LPA: variants seen among roughly 807,000 people sequenced by gnomAD.
LPA encodes apolipoprotein(a).
Under a neutral mutation model 197.9 loss-of-function variants are expected in LPA, and 199 were observed. The observed-to-expected ratio is 1.01, with a 90% CI of 0.90 to 1.13. LPA has a LOEUF of 1.13. LPA is among the 50% of genes most tolerant of loss of function. The pLI is 0.00. For missense variants in LPA, 1,853 were observed against 1,785.8 expected (o/e 1.04, Z -0.68); for synonymous variants, 715 against 639.5 (o/e 1.12, Z -1.78).
chr6:160,652,668 TA>T (rs1259334255), intron 1 of LPA, among the ~76,000 whole-genome samples: 2 of 152,122 alleles, frequency 1.3e-5, no homozygotes, highest in East Asian at 3.8e-4. Flanking sequence ...ATAATCACTT[TA>T]AAAAACAACT....
Position 160,578,561 on chromosome 6 carries a change from A to C in LPA, c.4433T>G (p.Val1478Gly). 6.2e-7 allele frequency: 1 copy of C among 1,613,886 alleles called. No homozygotes were observed. The highest frequency in any genetic ancestry group is 2.2e-5 in the East Asian group (1 of 44,872). Residue 1478 changes from valine to glycine, a missense_variant, in exon 27 of 39, where the codon GTG becomes GGG. Val to Gly is a moderately radical substitution (Grantham distance 109, BLOSUM62 -3). Coordinates refer to ENST00000316300, the MANE Select transcript of LPA (RefSeq NM_005577.4). ...AGCCTCTGTGCTTGGAACCGGGGCC[A>C]CTGTGGGAGTTGTGAGGACACTCGA... Reference protein sequence around the residue: ...TESSVLTTPTVAPVPSTEAPS... With the variant: ...TESSVLTTPTGAPVPSTEAPS...
At chr6:160,608,819 T>TG (rs1779417101) in intron 16 of LPA, among the ~76,000 whole-genome samples, 1 of 149,348 alleles carries the variant, frequency 6.7e-6, no homozygotes, top group East Asian at 2.0e-4. Context: ...TTCTTGAGGG[T>TG]TGTGTGTGTG....
chr6:160,585,240 C>A, intron 25 of LPA, 35 bp from the exon 26 acceptor site: 1 of 1,611,668 alleles, frequency 6.2e-7, no homozygotes, highest in Non-Finnish European at 8.5e-7. Flanking sequence ...CTCAGTATTG[C>A]CTAGAAAAGG....
intron 1 of LPA, among the ~76,000 whole-genome samples, chr6:160,654,695 T>C (rs2115106012): frequency 6.6e-6 from 1 of 152,270 alleles, no homozygotes; most frequent in Middle Eastern, 3.4e-3. Context: ...AATGCTGATA[T>C]GAACAACACT....
chr6:160,607,513 C>T (rs143387154), intron 16 of LPA, among the ~76,000 whole-genome samples: 3 of 152,204 alleles, frequency 2.0e-5, no homozygotes, highest in East Asian at 1.9e-4. Context: ...CGGACAGCTA[C>T]GGAGGAACAC....
In LPA at chr6:160,577,003, A is replaced by G. The variant is rs894610283; in HGVS notation, c.4631+133T>C. On this transcript the variant is annotated intron_variant, in intron 28 of 38. Coordinates refer to ENST00000316300, the MANE Select transcript of LPA (RefSeq NM_005577.4). ...TCTTAGACTCTTTGCTCAAAAGCAA[A>G]GGTCCTGAGACATTTTGCCAAAATG... 84 of 1,018,208 alleles carry G rather than the reference A, an allele frequency of 8.2e-5. 1 individual carries two copies. The highest frequency in any genetic ancestry group is 7.5e-4 in the South Asian group (55 of 73,158). 63.1% of individuals were successfully genotyped at this position (1,018,208 alleles called of 1,614,324 possible). A position where few individuals can be genotyped will look rare whatever the true frequency, so the allele number is the denominator to read the frequency against.
chr6:160,606,440 A>T, intron 17 of LPA, 37 bp downstream of exon 17: 1 of 1,609,846 alleles, frequency 6.2e-7, no homozygotes, highest in Non-Finnish European at 8.5e-7. Flanking sequence ...TCATCCCAGC[A>T]TCGAAACGTG....
At position 160,562,375 on chromosome 6, in the gene LPA, G is replaced by T. The variant is rs563251504; in HGVS notation, c.4632-4804C>A. 2.6e-5 allele frequency among the ~76,000 whole-genome samples: 4 copies of T among 152,318 alleles called. No individual in the cohort carries two copies. In the East Asian group the frequency reaches 7.7e-4, roughly 29 times the overall value. On this transcript the variant is annotated intron_variant, in intron 28 of 38. Coordinates refer to ENST00000316300, the MANE Select transcript of LPA (RefSeq NM_005577.4). ...GTTTATGTGATGGATTATGTTTATTGATTTGAATATGTTGAACCAGCCTTG... is the reference window on the plus strand; with the variant it reads ...GTTTATGTGATGGATTATGTTTATTTATTTGAATATGTTGAACCAGCCTTG...
At chr6:160,609,709 T>C (rs1779444136) in intron 16 of LPA, among the ~76,000 whole-genome samples, 1 of 152,078 alleles carries the variant, frequency 6.6e-6, no homozygotes, top group Non-Finnish European at 1.5e-5. Context: ...TTTTCCTGCA[T>C]GTCTCTGAGG....
intron 31 of LPA, 39 bp downstream of exon 31, chr6:160,548,435 TAGAG>T: frequency 6.3e-7 from 1 of 1,591,036 alleles, no homozygotes. Context: ...TCCAAGCACA[TAGAG>T]AGGTATGTGC....
intron 30 of LPA, among the ~76,000 whole-genome samples, chr6:160,553,788 T>C (rs1435050366): frequency 6.6e-6 from 1 of 152,232 alleles, no homozygotes; most frequent in African/African-American, 2.4e-5. Context: ...TTGCTTTGAG[T>C]ATTTTTTTCT....
At chr6:160,586,013 T>C (rs894010305) in intron 25 of LPA, among the ~76,000 whole-genome samples, 2 of 152,090 alleles carry the variant, frequency 1.3e-5, no homozygotes, top group African/African-American at 2.4e-5. Context: ...GAAGACATGT[T>C]AGGTTTCTCA....
intron 35 of LPA, 65 bp from the exon 36 acceptor site, chr6:160,540,248 T>A: frequency 6.2e-7 from 1 of 1,600,720 alleles, no homozygotes; most frequent in Non-Finnish European, 8.6e-7. Flanking sequence ...CTCTGTGCCA[T>A]GAACTTGGCG....
At chr6:160,663,273 AT>A (rs539641591) in intron 1 of LPA, among the ~76,000 whole-genome samples, 433 of 152,252 alleles carry the variant, frequency 2.8e-3, no homozygotes, top group Non-Finnish European at 5.2e-3. Flanking sequence ...GTTTAGATTT[AT>A]TTTTTCAAAT....
At chr6:160,634,507 G>A (rs1263931369) in intron 7 of LPA, among the ~76,000 whole-genome samples, 2 of 138,280 alleles carry the variant, frequency 1.4e-5, no homozygotes, top group South Asian at 2.3e-4. Context: ...TTGCAGTAAA[G>A]GAGAAGTCTA....
chr6:160,588,253 T>A (rs2115041359), intron 24 of LPA, among the ~76,000 whole-genome samples: 1 of 151,156 alleles, frequency 6.6e-6, no homozygotes, highest in East Asian at 1.9e-4. Flanking sequence ...TAAGGGGGGT[T>A]GAGTTTTTTT....
chr6:160,569,078 A>C (rs980729837), intron 28 of LPA, among the ~76,000 whole-genome samples: 1 of 152,224 alleles, frequency 6.6e-6, no homozygotes, highest in Non-Finnish European at 1.5e-5. Context: ...TATAGATTCA[A>C]TGCCATCCCC....
chr6:160,556,176 C>T lies in LPA; in HGVS notation c.4822G>A (p.Glu1608Lys). ...MEAHSEAAPTEQTPVVRQCYH... is the reference protein window; with the variant it reads ...MEAHSEAAPTKQTPVVRQCYH... Reference sequence around the variant, plus strand: ...CACTGCCGGACCACAGGGGTTTGCTCAGTTGGTGCTGAAAATAGACAAAAT... The same window carrying T: ...CACTGCCGGACCACAGGGGTTTGCTTAGTTGGTGCTGAAAATAGACAAAAT... Residue 1608 changes from glutamate (E) to lysine (K), a missense_variant, in exon 30 of 39, where the codon GAG becomes AAG. Physicochemically the swap from Glu to Lys is moderately conservative, Grantham distance 56 (BLOSUM62 1). This residue lies in a region of LPA where 1,737 missense variants were observed against 1,504.4 expected (regional missense o/e 1.15). Transcript: ENST00000316300. 6.2e-7 allele frequency: 1 copy of T among 1,613,766 alleles called. No homozygotes were observed. Among genetic ancestry groups the T allele is most frequent in the Non-Finnish European group, 8.5e-7 (1 of 1,179,902 alleles).
At chr6:160,598,410 T>C (rs1378645849) in intron 20 of LPA, among the ~76,000 whole-genome samples, 1 of 152,178 alleles carries the variant, frequency 6.6e-6, no homozygotes, top group African/African-American at 2.4e-5. Context: ...ATGGCTACAG[T>C]CAGCTTGGGC....
Sources: allele counts gnomAD v4.1 joint callset (sites outside exome capture counted in the v4.1 genomes callset), GRCh38; gene constraint gnomAD v4.1.1; regional missense constraint gnomAD v4.1.1; transcripts MANE v1.5; gene names NCBI Gene and HGNC (gene_info 2026-07-23, HGNC 2026-07-21).